Variants in MYO7B observed in about 807,000 individuals in gnomAD.
MYO7B encodes myosin VIIB.
MYO7B carries 212 observed loss-of-function variants against 259.7 expected under a neutral mutation model. The observed-to-expected ratio is 0.82, with a 90% confidence interval of 0.73 to 0.91. The LOEUF (loss-of-function observed/expected upper bound fraction) is 0.91. Among genes scored for constraint, MYO7B ranks in the 40% least tolerant of loss-of-function variants. MYO7B has a pLI of 0.00. For synonymous variants in MYO7B, 1,197 were observed against 1,166.4 expected (o/e 1.03, Z -0.54); for missense variants, 2,732 against 2,813.5 (o/e 0.97, Z 0.66).
At chr2:127,562,696 C>T (rs758806707) in intron 2 of MYO7B, among the ~76,000 whole-genome samples, 2 of 152,134 alleles carry the variant, frequency 1.3e-5, no homozygotes, top group Non-Finnish European at 2.9e-5. Flanking sequence ...CTATGTTGGC[C>T]AGGCTGGTCT....
rs1679527050 is a variant in MYO7B, at chr2:127,590,776, C to T, written c.1992+547C>T. 6.6e-6 allele frequency among the ~76,000 whole-genome samples: 1 copy of T among 152,310 alleles called. No individual in the cohort carries two copies. Among genetic ancestry groups the T allele is most frequent in the South Asian group, 2.1e-4 (1 of 4,826 alleles). ...GGTGGGGAGTCCCACCCAGAGGCCG[C>T]ATATGCAGGGATTCCCCAAACTAGG... is the stretch of plus-strand genomic sequence containing the variant. On this transcript the variant is annotated intron_variant, in intron 16 of 47. Transcript: ENST00000409816. The surrounding 1 kb of genome is among the most constrained non-coding windows in gnomAD (Gnocchi z 4.6).
At chr2:127,537,512 A>G (rs963164300) in intron 1 of MYO7B, among the ~76,000 whole-genome samples, 2 of 152,200 alleles carry the variant, frequency 1.3e-5, no homozygotes, top group Non-Finnish European at 1.5e-5. Context: ...CCAGAATCTT[A>G]GCACATTTTT....
Position 127,552,422 on chromosome 2 carries a change from C to G in MYO7B, c.-23-7278C>G, listed in dbSNP as rs77967890. 1.2e-4 allele frequency among the ~76,000 whole-genome samples: 19 copies of G among 152,220 alleles called. 1 individual carries two copies. The East Asian group carries it at 3.5e-3, about 28-fold the overall frequency. On this transcript the variant is annotated intron_variant, in intron 1 of 47. Transcript: ENST00000409816. ...AGAACAAGTTGCTCATGGGACCCAG[C>G]TGGGTCCAGGGCGTGTTGTGGTGAG...
intron 6 of MYO7B, 34 bp from the exon 7 acceptor site, chr2:127,573,886 G>T: frequency 6.2e-7 from 1 of 1,613,116 alleles, no homozygotes. Flanking sequence ...TCTCCTCTCT[G>T]CTCCCATCAT....
chr2:127,616,554 AT>A (rs1680577736), intron 26 of MYO7B, among the ~76,000 whole-genome samples: 1 of 152,234 alleles, frequency 6.6e-6, no homozygotes, highest in African/African-American at 2.4e-5. Flanking sequence ...TGCCCTGTAA[AT>A]TAAGACAGCT....
chr2:127,537,232 G>T (rs1692818107), intron 1 of MYO7B, among the ~76,000 whole-genome samples: 1 of 152,128 alleles, frequency 6.6e-6, no homozygotes, highest in Non-Finnish European at 1.5e-5. Flanking sequence ...AGAGCTGAGG[G>T]AACTTCCTTA....
chr2:127,607,995 C>T lies in MYO7B; in HGVS notation c.2643+571C>T, dbSNP rs535452441. On this transcript the variant is annotated intron_variant, in intron 21 of 47. Transcript: ENST00000409816. This position sits in a 1 kb window ranked among gnomAD's most constrained non-coding sequence, Gnocchi z 4.4. ...CTCAGGGGACAGAGAAATATTAATACCAAGGGGAGCTGCTGAGTGTCTGGG... is the reference window on the plus strand; with the variant it reads ...CTCAGGGGACAGAGAAATATTAATATCAAGGGGAGCTGCTGAGTGTCTGGG... Among the ~76,000 whole-genome samples the T allele has an allele frequency of 2.0e-5, 3 of 152,266 alleles. No homozygotes were observed. In the East Asian group the frequency reaches 5.8e-4, roughly 29 times the overall value.
rs375709944 is a variant in MYO7B at position 127,543,325 on chromosome 2, C to CT, written c.-24+7505dup. Reference sequence around the variant, plus strand: ...TTAACAGGCATACGGCCTTCAAGCACTTTTTTTTTTTAACAAAGCACATCC... The same window carrying CT: ...TTAACAGGCATACGGCCTTCAAGCACTTTTTTTTTTTTAACAAAGCACATCC... On this transcript the variant is annotated intron_variant, in intron 1 of 47. Transcript: ENST00000409816. Among the ~76,000 whole-genome samples, 166 of 147,654 alleles carry CT rather than the reference C, an allele frequency of 1.1e-3. 2 individuals carry two copies. In the Middle Eastern group the frequency reaches 0.018, roughly 16 times the overall value.
In MYO7B at chr2:127,628,185, C is replaced by T. The variant is rs1185744264; in HGVS notation, c.4461-187C>T. ...GCACCACTCTCAGCCTCCGAGAGGT[C>T]CTGTGCTCCGCCGTCCTTCATTTGT... is the stretch of plus-strand genomic sequence containing the variant. On this transcript the variant is annotated intron_variant, in intron 33 of 47. Transcript: ENST00000409816. This position sits in a 1 kb window ranked among gnomAD's most constrained non-coding sequence, Gnocchi z 4.8. The T allele has an allele frequency of 2.7e-6, 2 of 748,752 alleles. No homozygotes were observed. Among genetic ancestry groups the T allele is most frequent in the South Asian group, 1.5e-5 (1 of 67,760 alleles). The allele number at this position is 748,752 out of a possible 1,614,324, so 46.4% of individuals were successfully genotyped here. A position where few individuals can be genotyped will look rare whatever the true frequency, so the allele number is the denominator to read the frequency against.
At chr2:127,583,891 G>T (rs1018692651) in intron 12 of MYO7B, among the ~76,000 whole-genome samples, 1 of 152,222 alleles carries the variant, frequency 6.6e-6, no homozygotes, top group African/African-American at 2.4e-5. Context: ...GAGCCTCCTC[G>T]TTTCTTTGTC....
chr2:127,577,607 C>T lies in MYO7B; in HGVS notation c.850-526C>T, dbSNP rs374819524. Among the ~76,000 whole-genome samples the T allele has an allele frequency of 1.9e-4, 29 of 152,310 alleles. No homozygotes were observed. In the East Asian group the frequency reaches 4.8e-3, roughly 25 times the overall value. ...GTGGCCTTGCTCCCATCATCCTCTG[C>T]CTAAACTGCCCTCTGTCCTCAGAGG... On this transcript the variant is annotated intron_variant, in intron 8 of 47. Coordinates refer to ENST00000409816, the MANE Select transcript of MYO7B (RefSeq NM_001393586.1). The surrounding 1 kb of genome is among the most constrained non-coding windows in gnomAD (Gnocchi z 5.2).
chr2:127,631,872 C>T, intron 38 of MYO7B, 119 bp downstream of exon 38: 2 of 1,322,460 alleles, frequency 1.5e-6, no homozygotes, highest in Non-Finnish European at 2.0e-6. Flanking sequence ...CCTGCCTGGG[C>T]TCCTGCCTCA....
At chr2:127,616,085 ACAAGCTGCAACTCAGC>A (rs1449162915) in intron 26 of MYO7B, among the ~76,000 whole-genome samples, 5 of 152,204 alleles carry the variant, frequency 3.3e-5, no homozygotes, top group Admixed American at 2.0e-4. Flanking sequence ...CATCCGCTCC[ACAAGCTGCAACTCAGC>A]TTCTGCCTCT....
intron 24 of MYO7B, among the ~76,000 whole-genome samples, chr2:127,610,933 C>G (rs1341411835): frequency 1.3e-5 from 2 of 152,212 alleles, no homozygotes; most frequent in Non-Finnish European, 2.9e-5. Context: ...ACAAATTACC[C>G]CCCCCAAACC....
chr2:127,633,723 G>A (rs1380898639), intron 40 of MYO7B, among the ~76,000 whole-genome samples: 1 of 152,222 alleles, frequency 6.6e-6, no homozygotes, highest in Non-Finnish European at 1.5e-5. Context: ...CACAGAGCCT[G>A]CCATGGCTGC....
chr2:127,557,379 C>T (rs1677873715), intron 1 of MYO7B, among the ~76,000 whole-genome samples: 1 of 151,950 alleles, frequency 6.6e-6, no homozygotes, highest in African/African-American at 2.4e-5. Flanking sequence ...TAATAATTGA[C>T]CTTCTGAATT....
chr2:127,568,916 A>C (rs530545809), intron 5 of MYO7B, among the ~76,000 whole-genome samples: 1 of 148,170 alleles, frequency 6.7e-6, no homozygotes, highest in African/African-American at 2.5e-5. Context: ...AAAAAAAGAC[A>C]GTATTTTCAG....
At position 127,637,457 on chromosome 2, in the gene MYO7B, C is replaced by G; in HGVS notation, c.*40C>G. On this transcript the variant is annotated 3_prime_UTR_variant, in exon 48 of 48. Transcript: ENST00000409816. ...GTGTCTGCTCAGGCGCCCTTCCCGACCTCTAGCCTGGCGGCACCTTCCCAG... is the reference window on the plus strand; with the variant it reads ...GTGTCTGCTCAGGCGCCCTTCCCGAGCTCTAGCCTGGCGGCACCTTCCCAG... 7.0e-7 allele frequency: 1 copy of G among 1,424,484 alleles called. No homozygotes were observed. The highest frequency in any genetic ancestry group is 1.4e-5 in the South Asian group (1 of 68,984). The allele number at this position is 1,424,484 out of a possible 1,614,324, so 88.2% of individuals were successfully genotyped here. A position where few individuals can be genotyped will look rare whatever the true frequency, so the allele number is the denominator to read the frequency against.
chr2:127,569,762 T>C (rs761603238), intron 5 of MYO7B, 27 bp from the exon 6 acceptor site: 1 of 1,592,056 alleles, frequency 6.3e-7, no homozygotes, highest in Non-Finnish European at 8.6e-7. Flanking sequence ...TTTTGTGGCA[T>C]CATGTCCCTG....
Sources: allele counts gnomAD v4.1 joint callset (sites outside exome capture counted in the v4.1 genomes callset), GRCh38; gene constraint gnomAD v4.1.1; non-coding constraint Gnocchi (gnomAD v3.1); transcripts MANE v1.5; gene names NCBI Gene and HGNC (gene_info 2026-07-23, HGNC 2026-07-21).